MARCHF1: variants seen among roughly 807,000 people sequenced by gnomAD.
MARCHF1 encodes membrane associated ring-CH-type finger 1.
In MARCHF1, 40 loss-of-function variants were observed where a neutral mutation model predicts 54.2. That is an observed-to-expected ratio of 0.74 (90% CI 0.57 to 0.96). The LOEUF is 0.96. Among genes scored for constraint, MARCHF1 ranks in the 40% least tolerant of loss-of-function variants. MARCHF1 has a pLI of 0.00. For missense variants in MARCHF1, 586 were observed against 656.5 expected (o/e 0.89, Z 1.17); for synonymous variants, 236 against 236.3 (o/e 1.00, Z 0.01).
At chr4:163,887,863 C>T (rs1750573321) in intron 3 of MARCHF1, among the ~76,000 whole-genome samples, 1 of 152,122 alleles carries the variant, frequency 6.6e-6, no homozygotes, top group African/African-American at 2.4e-5. Flanking sequence ...TAGGTACAGA[C>T]TCTGGTCAAG....
chr4:163,587,390 G>A (rs1312667625), intron 7 of MARCHF1, among the ~76,000 whole-genome samples: 1 of 152,172 alleles, frequency 6.6e-6, no homozygotes, highest in African/African-American at 2.4e-5. Context: ...GTGGTGGACT[G>A]CATAAAGAAA....
At chr4:164,256,802 T>G (rs1733301808) in intron 1 of MARCHF1, among the ~76,000 whole-genome samples, 1 of 152,188 alleles carries the variant, frequency 6.6e-6, no homozygotes, top group Non-Finnish European at 1.5e-5. Context: ...CGGCATATAC[T>G]TACAGCCGGG....
In MARCHF1 at chr4:163,540,689, A is replaced by G. The variant is rs186807872; in HGVS notation, c.1339+4907T>C. On this transcript the variant is annotated intron_variant, in intron 9 of 9. Transcript: ENST00000514618. Reference sequence around the variant, plus strand: ...TCACTCCAACCTTGGTAGTTTTACAAATGAAAAAACTGAGCTTCAGAGTGA... The same window carrying G: ...TCACTCCAACCTTGGTAGTTTTACAGATGAAAAAACTGAGCTTCAGAGTGA... 1.2e-4 allele frequency among the ~76,000 whole-genome samples: 19 copies of G among 152,338 alleles called. No individual in the cohort carries two copies. In the East Asian group the frequency reaches 3.5e-3, roughly 28 times the overall value.
At chr4:164,034,845 T>G (rs1384874658) in intron 2 of MARCHF1, among the ~76,000 whole-genome samples, 1 of 152,184 alleles carries the variant, frequency 6.6e-6, no homozygotes, top group Non-Finnish European at 1.5e-5. Flanking sequence ...AGCCTGGTGT[T>G]ACAGAAAGAA....
intron 2 of MARCHF1, among the ~76,000 whole-genome samples, chr4:164,071,079 T>C (rs1235241308): frequency 6.6e-6 from 1 of 152,150 alleles, no homozygotes; most frequent in African/African-American, 2.4e-5. Context: ...CAGTTAAACC[T>C]TTTTTTGTTC....
chr4:163,916,644 C>T (rs1173543270), intron 3 of MARCHF1, among the ~76,000 whole-genome samples: 1 of 152,004 alleles, frequency 6.6e-6, no homozygotes, highest in Non-Finnish European at 1.5e-5. Flanking sequence ...ACAAACAGTG[C>T]CGCATGTATC....
intron 4 of MARCHF1, among the ~76,000 whole-genome samples, chr4:163,738,265 T>C (rs1377145221): frequency 6.6e-6 from 1 of 152,202 alleles, no homozygotes; most frequent in African/African-American, 2.4e-5. Flanking sequence ...TCGGTTTTTC[T>C]CAGTTTATGG....
intron 1 of MARCHF1, among the ~76,000 whole-genome samples, chr4:164,266,352 A>G (rs1215247615): frequency 6.6e-6 from 1 of 152,342 alleles, no homozygotes; most frequent in Admixed American, 6.5e-5. Context: ...TCTGACATGA[A>G]ATGACATTGG....
chr4:163,624,200 C>T (rs149958671), intron 5 of MARCHF1, among the ~76,000 whole-genome samples: 1 of 152,258 alleles, frequency 6.6e-6, no homozygotes, highest in African/African-American at 2.4e-5. Context: ...ATGGCAAGTT[C>T]AGCTGAGCCA....
chr4:163,915,455 G>A (rs1437292232), intron 3 of MARCHF1, among the ~76,000 whole-genome samples: 1 of 151,992 alleles, frequency 6.6e-6, no homozygotes, highest in Non-Finnish European at 1.5e-5. Context: ...AGCAAAAGGA[G>A]ACATGAAAAC....
intron 1 of MARCHF1, among the ~76,000 whole-genome samples, chr4:164,151,781 C>T (rs540887076): frequency 3.9e-5 from 6 of 152,152 alleles, no homozygotes; most frequent in African/African-American, 7.2e-5. Flanking sequence ...ACTCAGCCCA[C>T]GCCCCCCCCA....
intron 1 of MARCHF1, among the ~76,000 whole-genome samples, chr4:164,331,976 G>A (rs1735444998): frequency 6.6e-6 from 1 of 152,130 alleles, no homozygotes; most frequent in Admixed American, 6.6e-5. Flanking sequence ...ATCCCACATA[G>A]TTCAATGCTC....
chr4:164,226,517 A>G (rs1158092450), intron 1 of MARCHF1, among the ~76,000 whole-genome samples: 1 of 152,116 alleles, frequency 6.6e-6, no homozygotes, highest in East Asian at 1.9e-4. Flanking sequence ...AAATAAATGA[A>G]AAGTGGGAGA....
chr4:163,687,058 C>G (rs1164240279), intron 5 of MARCHF1, among the ~76,000 whole-genome samples: 1 of 152,028 alleles, frequency 6.6e-6, no homozygotes, highest in African/African-American at 2.4e-5. Context: ...TGGGCAGCCA[C>G]AAAGAGAAAT....
At chr4:164,238,523 A>G (rs2111200053) in intron 1 of MARCHF1, among the ~76,000 whole-genome samples, 1 of 152,148 alleles carries the variant, frequency 6.6e-6, no homozygotes, top group South Asian at 2.1e-4. Context: ...ATATTTATTT[A>G]TGCCTTTAAC....
intron 2 of MARCHF1, among the ~76,000 whole-genome samples, chr4:164,046,874 G>T (rs1429426974): frequency 6.6e-6 from 1 of 152,086 alleles, no homozygotes; most frequent in Non-Finnish European, 1.5e-5. Flanking sequence ...CTGTTTAAGA[G>T]AAAGGAATAA....
At chr4:163,895,391 T>G (rs1579374281) in intron 3 of MARCHF1, among the ~76,000 whole-genome samples, 1 of 152,210 alleles carries the variant, frequency 6.6e-6, no homozygotes, top group Non-Finnish European at 1.5e-5. Flanking sequence ...CCTGGATGCT[T>G]GATGAACTGG....
chr4:163,977,663 G>A (rs1443818392), intron 3 of MARCHF1, among the ~76,000 whole-genome samples: 1 of 152,088 alleles, frequency 6.6e-6, no homozygotes. Flanking sequence ...AATGTTGTTA[G>A]TACAACAATT....
chr4:164,105,898 T>G (rs1755685107), intron 2 of MARCHF1, among the ~76,000 whole-genome samples: 1 of 147,908 alleles, frequency 6.8e-6, no homozygotes, highest in Admixed American at 6.7e-5. Context: ...GAATCTACAA[T>G]GAACTCAAAC....
Sources: gnomAD v4.1 joint callset for allele counts (sites outside exome capture counted in the v4.1 genomes callset) on GRCh38, gnomAD v4.1.1 for gene constraint, MANE v1.5 for transcripts, NCBI Gene and HGNC (gene_info 2026-07-23, HGNC 2026-07-21) for gene names.